The following FLCN variants were observed in gnomAD, a reference collection of about 807,000 sequenced individuals.
FLCN encodes BHD skin lesion fibrofolliculoma protein.
FLCN carries 22 observed loss-of-function variants against 62.5 expected under a neutral mutation model. The observed-to-expected ratio is 0.35, with a 90% CI of 0.25 to 0.50. The LOEUF is 0.50. Ranked by LOEUF, FLCN falls within the 20% of genes least tolerant of loss-of-function variation. The probability of loss-of-function intolerance (pLI) is 0.97; values close to 1 mark genes in which losing one functional copy is unlikely to be tolerated. For missense variants in FLCN, 657 were observed against 778.0 expected, an observed-to-expected ratio of 0.84 and a Z score of 1.85; for synonymous variants, 319 against 310.0, an observed-to-expected ratio of 1.03 and a Z score of -0.30.
At chr17:17,217,878 T>C (rs1329312748) in intron 9 of FLCN, among the ~76,000 whole-genome samples, 1 of 152,126 alleles carries the variant, frequency 6.6e-6, no homozygotes, top group African/African-American at 2.4e-5. Flanking sequence ...GCCACAATAC[T>C]ATGTCTCACC....
rs371134613 is a variant in FLCN, at chr17:17,227,847, C to T, written c.249+42G>A. On this transcript the variant is annotated intron_variant, in intron 4 of 13. Transcript: ENST00000285071. Reference sequence around the variant, plus strand: ...TCAGGTCCTCCTGTCCATCCCACACCTACTGCAGGGATCACAAAACCAAGA... The same window carrying T: ...TCAGGTCCTCCTGTCCATCCCACACTTACTGCAGGGATCACAAAACCAAGA... The T allele has an allele frequency of 7.4e-6, 12 of 1,613,626 alleles. No individual in the cohort carries two copies. In the African/African-American group the frequency reaches 1.5e-4, roughly 20 times the overall value.
intron 8 of FLCN, chr17:17,221,135 G>C: frequency 1.4e-6 from 2 of 1,398,886 alleles, no homozygotes; most frequent in Non-Finnish European, 1.9e-6. Context: ...GGGAGGTCAG[G>C]GAACCACTGC....
intron 1 of FLCN, chr17:17,236,106 T>TA (rs2047575064): frequency 6.6e-6 from 1 of 152,278 alleles, no homozygotes; most frequent in Non-Finnish European, 1.5e-5. Context: ...CTATAACGGA[T>TA]CTTAACCAGC....
At chr17:17,236,589 C>G (rs1356561412) in intron 1 of FLCN, among the ~76,000 whole-genome samples, 1 of 152,168 alleles carries the variant, frequency 6.6e-6, no homozygotes, top group Non-Finnish European at 1.5e-5. Flanking sequence ...GGACACGGTG[C>G]TACCCTATTA....
chr17:17,228,344 G>T, intron 3 of FLCN, 183 bp from the exon 4 acceptor site: 1 of 659,872 alleles, frequency 1.5e-6, no homozygotes, highest in Non-Finnish European at 2.5e-6. Flanking sequence ...AACAGAGATA[G>T]GATCTTCCCA....
In FLCN at chr17:17,216,450, C is replaced by T. The variant is rs749287631; in HGVS notation, c.1230G>A (p.Glu410=). ...CCAGGAAGTTGCACCGATAGGCCTCCTCGTACTGGCTGCTGTATGGGATGA... is the reference window on the plus strand; with the variant it reads ...CCAGGAAGTTGCACCGATAGGCCTCTTCGTACTGGCTGCTGTATGGGATGA... The part of the protein sequence containing the change: ...VRIIPYSSQY[E]EAYRCNFLGL... The change falls in exon 11 of 14, where the codon GAG becomes GAA. Residue 410 remains glutamate, a synonymous_variant. Transcript: ENST00000285071. This position sits in a 1 kb window ranked among gnomAD's most constrained non-coding sequence, Gnocchi z 4.0. 3.1e-6 allele frequency: 5 copies of T among 1,613,874 alleles called. No homozygotes were observed. In the South Asian group the frequency reaches 5.5e-5, roughly 18 times the overall value.
chr17:17,217,005 C>T (rs1021560783), intron 10 of FLCN, 64 bp downstream of exon 10: 7 of 1,227,950 alleles, frequency 5.7e-6, no homozygotes, highest in Non-Finnish European at 7.2e-6. Flanking sequence ...GGCATCCCCA[C>T]CTGACGCCAG....
At position 17,216,888 on chromosome 17, in the gene FLCN, G is replaced by C; in HGVS notation, c.1176+181C>G. 4.5e-6 allele frequency: 3 copies of C among 664,368 alleles called. No homozygotes were observed. Among genetic ancestry groups the C allele is most frequent in the South Asian group, 1.6e-5 (1 of 61,134 alleles). The allele number at this position is 664,368 out of a possible 1,614,324, so 41.2% of individuals were successfully genotyped here. Reference sequence around the variant, plus strand: ...AGTCAGCAGGCACACGCATCCTTCTGATGATTTAAACATCATCAGACCAGA... The same window carrying C: ...AGTCAGCAGGCACACGCATCCTTCTCATGATTTAAACATCATCAGACCAGA... On this transcript the variant is annotated intron_variant, in intron 10 of 13. Transcript: ENST00000285071. This position sits in a 1 kb window ranked among gnomAD's most constrained non-coding sequence, Gnocchi z 4.0.
rs2047008561 is a variant in FLCN at position 17,219,061 on chromosome 17, G to A, written c.1020C>T (p.Pro340=). 6.2e-7 allele frequency: 1 copy of A among 1,613,874 alleles called. No homozygotes were observed. Residue 340 remains proline (P), a synonymous_variant, in exon 9 of 14, where the codon CCC becomes CCT. Transcript: ENST00000285071. ...GGGACTTGAAGACTGGCAGCTTCCG[G>A]GGCTGCCAGCTCCCACAGCCTGAGA... ...SSLSGCGSWQ[P]RKLPVFKSLR... is the part of the protein sequence containing the mutation.
At chr17:17,213,966 G>A (rs2144815242) in intron 13 of FLCN, 110 bp from the exon 14 acceptor site, 3 of 1,187,578 alleles carry the variant, frequency 2.5e-6, no homozygotes, top group Non-Finnish European at 3.7e-6. Flanking sequence ...GAGCTGTGCA[G>A]GCAGAGCTGG....
rs749359334 is a variant in FLCN, at chr17:17,213,710, T to C, written c.1685A>G (p.Lys562Arg). The C allele has an allele frequency of 1.2e-6, 2 of 1,614,202 alleles. No homozygotes were observed. Among genetic ancestry groups the C allele is most frequent in the South Asian group, 2.2e-5 (2 of 91,082 alleles). Residue 562 changes from lysine to arginine, a missense_variant, in exon 14 of 14, where the codon AAG becomes AGG. Coordinates refer to ENST00000285071, the MANE Select transcript of FLCN (RefSeq NM_144997.7). ...GCGGACCGTGGACATGAGGTGTGAC[T>C]TGTAGGTCTTGCTCAGGCCAGTCAT... is the stretch of plus-strand genomic sequence containing the variant. Reference protein sequence around the residue: ...FWMTGLSKTYKSHLMSTVRSP... With the variant: ...FWMTGLSKTYRSHLMSTVRSP...
At chr17:17,218,338 T>C (rs968540481) in intron 9 of FLCN, among the ~76,000 whole-genome samples, 2 of 152,142 alleles carry the variant, frequency 1.3e-5, no homozygotes, top group African/African-American at 4.8e-5. Context: ...CTAGTATGGT[T>C]TGATATGCAA....
At chr17:17,219,545 CGTT>C (rs1201841811) in intron 8 of FLCN, 1 of 237,800 alleles carries the variant, frequency 4.2e-6, no homozygotes, top group African/African-American at 2.3e-5. Flanking sequence ...AGGATCTACA[CGTT>C]GTTTCTTTTT....
rs1035268210 is a variant in FLCN at position 17,237,155 on chromosome 17, C to G, written c.-471G>C. On this transcript the variant is annotated 5_prime_UTR_variant, in exon 1 of 14. Coordinates refer to ENST00000285071, the MANE Select transcript of FLCN (RefSeq NM_144997.7). ...AGGAGCGACCACACTCACTCGCGGTCCCGCAGCCCCGCCGACACCCAGGCG... is the reference window on the plus strand; with the variant it reads ...AGGAGCGACCACACTCACTCGCGGTGCCGCAGCCCCGCCGACACCCAGGCG... The G allele has an allele frequency of 1.3e-5, 2 of 152,256 alleles. No homozygotes were observed. The highest frequency in any genetic ancestry group is 2.4e-5 in the African/African-American group (1 of 41,454). The allele number at this position is 152,256 out of a possible 1,614,324, so 9.4% of individuals were successfully genotyped here. A position where few individuals can be genotyped will look rare whatever the true frequency, so the allele number is the denominator to read the frequency against.
intron 8 of FLCN, chr17:17,221,212 A>AC: frequency 6.6e-7 from 1 of 1,522,730 alleles, no homozygotes; most frequent in Non-Finnish European, 8.8e-7. Context: ...AAGACCGTCG[A>AC]CCAGGCCAAG....
At chr17:17,227,777 C>T in intron 4 of FLCN, 112 bp downstream of exon 4, 10 of 1,484,686 alleles carry the variant, frequency 6.7e-6, no homozygotes, top group Non-Finnish European at 9.4e-6. Context: ...TGAAGGGCCC[C>T]TGAGAAGCAG....
Position 17,213,240 on chromosome 17 carries a change from T to C in FLCN, c.*415A>G. ...CCTCAAACATAAGGCCCAGAAACTC[T>C]TGCTGAATTTCAAAGTAGAAACGCT... On this transcript the variant is annotated 3_prime_UTR_variant, in exon 14 of 14. Coordinates refer to ENST00000285071, the MANE Select transcript of FLCN (RefSeq NM_144997.7). The C allele has an allele frequency of 5.1e-6, 2 of 395,934 alleles. No individual in the cohort carries two copies. The highest frequency in any genetic ancestry group is 5.8e-5 in the South Asian group (2 of 34,540). The allele number at this position is 395,934 out of a possible 1,614,324, so 24.5% of individuals were successfully genotyped here. A position where few individuals can be genotyped will look rare whatever the true frequency, so the allele number is the denominator to read the frequency against.
chr17:17,220,484 ACATCTCC>A (rs1463199276), intron 8 of FLCN: 1 of 152,246 alleles, frequency 6.6e-6, no homozygotes, highest in Non-Finnish European at 1.5e-5. Context: ...ACAAATGACA[ACATCTCC>A]ATTTCACATC....
intron 9 of FLCN, 96 bp from the exon 10 acceptor site, chr17:17,217,278 GA>G: frequency 1.1e-6 from 1 of 881,234 alleles, no homozygotes; most frequent in Non-Finnish European, 1.9e-6. Context: ...AAACTTTGTA[GA>G]GCAAAGACAG....
Sources: gnomAD v4.1 joint callset for allele counts (sites outside exome capture counted in the v4.1 genomes callset) on GRCh38, gnomAD v4.1.1 for gene constraint, Gnocchi (gnomAD v3.1) non-coding constraint, MANE v1.5 for transcripts, NCBI Gene and HGNC (gene_info 2026-07-23, HGNC 2026-07-21) for gene names.